STAG1: variants seen among roughly 807,000 people sequenced by gnomAD.
The protein encoded by STAG1 is cohesin subunit SA-1.
Under a neutral mutation model 170.9 loss-of-function variants are expected in STAG1, and 26 were observed. The ratio of observed to expected loss-of-function variants is 0.15; its 90% confidence interval spans 0.11 to 0.21. The LOEUF is 0.21. STAG1 is among the 10% of genes least tolerant of loss of function. The pLI is 1.00. For missense variants in STAG1, 964 were observed against 1,509.5 expected, an observed-to-expected ratio of 0.64 and a Z score of 5.99; for synonymous variants, 514 against 497.7, an observed-to-expected ratio of 1.03 and a Z score of -0.44.
chr3:136,642,545 C>T (rs932823527), intron 1 of STAG1, among the ~76,000 whole-genome samples: 3 of 152,034 alleles, frequency 2.0e-5, no homozygotes, highest in African/African-American at 4.8e-5. Context: ...GGATCACAAG[C>T]GTGAGCCACT....
intron 1 of STAG1, among the ~76,000 whole-genome samples, chr3:136,715,011 TATAAA>T (rs1943499060): frequency 8.8e-6 from 1 of 114,126 alleles, no homozygotes; most frequent in Admixed American, 9.8e-5. Flanking sequence ...ATAATATATA[TATAAA>T]ATATATATAT....
chr3:136,700,843 A>AAAAC (rs1242636076), intron 1 of STAG1, among the ~76,000 whole-genome samples: 92 of 152,074 alleles, frequency 6.0e-4, no homozygotes, highest in African/African-American at 2.2e-3. Flanking sequence ...ACAACTTAAA[A>AAAAC]AAACATAAAT....
intron 1 of STAG1, among the ~76,000 whole-genome samples, chr3:136,657,073 C>T (rs980120451): frequency 2.0e-5 from 3 of 150,216 alleles, no homozygotes; most frequent in African/African-American, 4.9e-5. Flanking sequence ...TTTTTATACA[C>T]TATTAAGAAC....
chr3:136,504,639 A>T (rs889586334), intron 7 of STAG1, among the ~76,000 whole-genome samples: 1 of 152,244 alleles, frequency 6.6e-6, no homozygotes, highest in East Asian at 1.9e-4. Context: ...TGTTATGAGC[A>T]TATGAAGTGA....
chr3:136,503,607 A>G (rs1445917411), intron 7 of STAG1, among the ~76,000 whole-genome samples: 1 of 152,126 alleles, frequency 6.6e-6, no homozygotes, highest in Non-Finnish European at 1.5e-5. Flanking sequence ...TAGGTTATTC[A>G]TGTGCAAGTA....
At chr3:136,621,511 C>T (rs1006749840) in intron 3 of STAG1, among the ~76,000 whole-genome samples, 2 of 152,188 alleles carry the variant, frequency 1.3e-5, no homozygotes, top group Non-Finnish European at 2.9e-5. Context: ...AAAACTCTCA[C>T]TTTTCCCAAA....
At chr3:136,655,904 C>A (rs1559933302) in intron 1 of STAG1, among the ~76,000 whole-genome samples, 1 of 152,060 alleles carries the variant, frequency 6.6e-6, no homozygotes, top group Non-Finnish European at 1.5e-5. Context: ...ACCATACAAT[C>A]CAGCAATTTT....
intron 1 of STAG1, among the ~76,000 whole-genome samples, chr3:136,717,181 TACAC>T (rs1272846534): frequency 6.6e-6 from 1 of 152,248 alleles, no homozygotes; most frequent in East Asian, 1.9e-4. Flanking sequence ...AAAAGAAATC[TACAC>T]ACACTTAACC....
chr3:136,621,230 T>C (rs1939836674), intron 3 of STAG1, among the ~76,000 whole-genome samples: 1 of 152,204 alleles, frequency 6.6e-6, no homozygotes, highest in Non-Finnish European at 1.5e-5. Context: ...GGTGGGGTGG[T>C]AAATTCTCTT....
At chr3:136,560,229 A>T (rs1298001586) in intron 5 of STAG1, among the ~76,000 whole-genome samples, 1 of 152,212 alleles carries the variant, frequency 6.6e-6, no homozygotes, top group Non-Finnish European at 1.5e-5. Context: ...TATTCAACTA[A>T]GAAAGAAGGT....
intron 30 of STAG1, among the ~76,000 whole-genome samples, 183 bp from the exon 31 acceptor site, chr3:136,341,734 G>A (rs912913810): frequency 6.6e-6 from 1 of 152,190 alleles, no homozygotes; most frequent in Non-Finnish European, 1.5e-5. Flanking sequence ...AAGTCTCCAA[G>A]AGAAGCTGGC....
chr3:136,702,323 A>G (rs1292773634), intron 1 of STAG1, among the ~76,000 whole-genome samples: 1 of 152,200 alleles, frequency 6.6e-6, no homozygotes, highest in African/African-American at 2.4e-5. Flanking sequence ...GGTCAATATT[A>G]AATTAACAAA....
intron 4 of STAG1, 121 bp downstream of exon 4, chr3:136,604,188 A>C (rs1054064289): frequency 2.4e-6 from 2 of 846,050 alleles, no homozygotes; most frequent in Non-Finnish European, 1.7e-6. Flanking sequence ...TTTCAGGATA[A>C]ACTGAAAGGT....
chr3:136,473,609 T>C lies in STAG1; in HGVS notation c.1055A>G (p.Lys352Arg). ...RQGEVRLKCLKALQSLYTNRE... is the reference protein window; with the variant it reads ...RQGEVRLKCLRALQSLYTNRE... ...ATTGGTATATAGACTCTGCAGAGCT[T>C]TCAAACACTTCAGCCTGACTTCCCC... The change falls in exon 11 of 34, where the codon AAA becomes AGA. Residue 352 changes from lysine (K) to arginine (R), a missense_variant. Coordinates refer to ENST00000383202, the MANE Select transcript of STAG1 (RefSeq NM_005862.3). The C allele has an allele frequency of 6.2e-7, 1 of 1,612,362 alleles. No homozygotes were observed. The highest frequency in any genetic ancestry group is 1.1e-5 in the South Asian group (1 of 90,910).
At chr3:136,450,238 C>T (rs1333691416) in intron 14 of STAG1, among the ~76,000 whole-genome samples, 2 of 152,072 alleles carry the variant, frequency 1.3e-5, no homozygotes, top group Non-Finnish European at 2.9e-5. Flanking sequence ...AAAGTGTGAT[C>T]CTTGGACCAC....
chr3:136,497,716 G>A (rs929579172), intron 9 of STAG1, among the ~76,000 whole-genome samples: 9 of 151,560 alleles, frequency 5.9e-5, no homozygotes, highest in Non-Finnish European at 1.2e-4. Flanking sequence ...TTAGCTGGGC[G>A]TGGTGGCAGG....
At chr3:136,472,381 A>C (rs771036665) in intron 12 of STAG1, 32 bp downstream of exon 12, 3 of 1,518,704 alleles carry the variant, frequency 2.0e-6, no homozygotes, top group Admixed American at 3.5e-5. Flanking sequence ...TAAAATATCA[A>C]TAAAGTTAAA....
At chr3:136,372,661 C>T (rs548042638) in intron 23 of STAG1, among the ~76,000 whole-genome samples, 25 of 150,758 alleles carry the variant, frequency 1.7e-4, no homozygotes, top group Non-Finnish European at 3.4e-4. Flanking sequence ...TATTGATTTT[C>T]CTATGTTGAA....
At chr3:136,473,861 A>G (rs537376218) in intron 10 of STAG1, among the ~76,000 whole-genome samples, 17 of 152,248 alleles carry the variant, frequency 1.1e-4, no homozygotes, top group African/African-American at 3.6e-4. Flanking sequence ...AGTTATGCCT[A>G]TTTTAAATAT....
Sources: gnomAD v4.1 joint callset for allele counts (sites outside exome capture counted in the v4.1 genomes callset) on GRCh38, gnomAD v4.1.1 for gene constraint, MANE v1.5 for transcripts, NCBI Gene and HGNC (gene_info 2026-07-23, HGNC 2026-07-21) for gene names.